The following FHIT variants were observed in gnomAD, a reference collection of about 807,000 sequenced individuals.
FHIT encodes the protein fragile histidine triad diadenosine triphosphatase.
In FHIT, 19 loss-of-function variants were observed where a neutral mutation model predicts 17.9. The ratio of observed to expected loss-of-function variants is 1.06; its 90% CI spans 0.74 to 1.56. The LOEUF is 1.56. Among genes scored for constraint, FHIT ranks in the 40% most tolerant of loss-of-function variants. The pLI is 0.00. For missense variants in FHIT, 248 were observed against 189.2 expected (o/e 1.31, Z -1.82); for synonymous variants, 81 against 69.7 (o/e 1.16, Z -0.81).
chr3:60,441,842 T>C lies in FHIT; in HGVS notation c.103+95018A>G, dbSNP rs567360297. Among the ~76,000 whole-genome samples the C allele has an allele frequency of 2.2e-5, 3 of 139,332 alleles. No individual in the cohort carries two copies. The East Asian group carries it at 6.5e-4, about 30-fold the overall frequency. The allele number at this position is 139,332 out of a possible 152,430, so 91.4% of individuals were successfully genotyped here. A position where few individuals can be genotyped will look rare whatever the true frequency, so the allele number is the denominator to read the frequency against. ...AGGTCATTTTTCCTCCCGCTCATTC[T>C]TTTTTTAGTTGTGTTTTTTTTTTTT... On this transcript the variant is annotated intron_variant, in intron 5 of 9. Transcript: ENST00000492590.
intron 5 of FHIT, among the ~76,000 whole-genome samples, chr3:60,437,764 A>G (rs2030405322): frequency 6.6e-6 from 1 of 152,102 alleles, no homozygotes; most frequent in Non-Finnish European, 1.5e-5. Flanking sequence ...CTCATGCAAA[A>G]CAATCAACAT....
At chr3:61,212,243 A>G (rs2039505073) in intron 1 of FHIT, among the ~76,000 whole-genome samples, 1 of 152,222 alleles carries the variant, frequency 6.6e-6, no homozygotes, top group African/African-American at 2.4e-5. Context: ...CAAAGAAGTT[A>G]AAAACTTTGA....
chr3:60,526,388 C>T (rs1172988162), intron 5 of FHIT, among the ~76,000 whole-genome samples: 1 of 152,096 alleles, frequency 6.6e-6, no homozygotes, highest in Admixed American at 6.6e-5. Context: ...CTGGAGAGGC[C>T]AGCACCTCAG....
At chr3:60,927,238 T>G (rs1414833387) in intron 3 of FHIT, among the ~76,000 whole-genome samples, 1 of 152,200 alleles carries the variant, frequency 6.6e-6, no homozygotes, top group African/African-American at 2.4e-5. Flanking sequence ...TGACCTCCAG[T>G]GATCTGCCCG....
intron 3 of FHIT, among the ~76,000 whole-genome samples, chr3:60,899,226 T>C (rs1705980368): frequency 6.6e-6 from 1 of 152,198 alleles, no homozygotes; most frequent in Admixed American, 6.5e-5. Flanking sequence ...AACAAGTGTT[T>C]ATTAAACTGC....
intron 8 of FHIT, among the ~76,000 whole-genome samples, chr3:59,830,372 A>C (rs1701123575): frequency 6.6e-6 from 1 of 152,204 alleles, no homozygotes; most frequent in Non-Finnish European, 1.5e-5. Context: ...AGGAATAAAT[A>C]TATGACTTTC....
chr3:60,308,804 T>G (rs1168167710), intron 5 of FHIT, among the ~76,000 whole-genome samples: 3 of 152,144 alleles, frequency 2.0e-5, no homozygotes, highest in African/African-American at 7.2e-5. Flanking sequence ...AAAAGTATAC[T>G]ATTTAAAACT....
At chr3:60,403,419 A>G (rs957486713) in intron 5 of FHIT, among the ~76,000 whole-genome samples, 6 of 152,172 alleles carry the variant, frequency 3.9e-5, no homozygotes, top group Admixed American at 6.5e-5. Context: ...GCTCAGAAAG[A>G]TAATACCCAA....
chr3:60,600,887 C>G (rs1164071509), intron 4 of FHIT, among the ~76,000 whole-genome samples: 2 of 152,136 alleles, frequency 1.3e-5, no homozygotes, highest in Admixed American at 6.5e-5. Flanking sequence ...AAATGCATCC[C>G]TCTCATGAGC....
chr3:60,040,907 G>T (rs533420743), intron 5 of FHIT, among the ~76,000 whole-genome samples: 39 of 152,214 alleles, frequency 2.6e-4, no homozygotes, highest in Admixed American at 3.9e-4. Flanking sequence ...AACTCTAGGT[G>T]GGGGTAAACC....
At chr3:60,274,228 G>A (rs967151325) in intron 5 of FHIT, among the ~76,000 whole-genome samples, 5 of 151,984 alleles carry the variant, frequency 3.3e-5, no homozygotes, top group Non-Finnish European at 5.9e-5. Context: ...ACTAACTTAT[G>A]TGTCTCATTC....
At chr3:60,328,443 C>T (rs557155099) in intron 5 of FHIT, among the ~76,000 whole-genome samples, 6 of 152,338 alleles carry the variant, frequency 3.9e-5, no homozygotes, top group South Asian at 2.1e-4. Context: ...GCATGTCTGA[C>T]ATGACAGCAA....
At chr3:59,922,995 C>T (rs1559734058) in intron 7 of FHIT, among the ~76,000 whole-genome samples, 1 of 151,990 alleles carries the variant, frequency 6.6e-6, no homozygotes, top group Non-Finnish European at 1.5e-5. Context: ...CACGGTGGCT[C>T]ATGCCTGTAA....
At chr3:60,327,469 G>A (rs1709754300) in intron 5 of FHIT, among the ~76,000 whole-genome samples, 1 of 152,170 alleles carries the variant, frequency 6.6e-6, no homozygotes, top group Admixed American at 6.5e-5. Flanking sequence ...AACGGGCATG[G>A]CTATGTTCTA....
At chr3:60,532,719 G>A (rs929975345) in intron 5 of FHIT, among the ~76,000 whole-genome samples, 1 of 152,226 alleles carries the variant, frequency 6.6e-6, no homozygotes, top group African/African-American at 2.4e-5. Context: ...GGAACAAGGA[G>A]GGACTGAAGT....
intron 5 of FHIT, among the ~76,000 whole-genome samples, chr3:60,397,622 G>C (rs907686219): frequency 3.3e-5 from 5 of 152,134 alleles, no homozygotes; most frequent in Admixed American, 2.6e-4. Context: ...CCATTTTTAT[G>C]GTGCCACATC....
At chr3:60,831,818 C>G (rs1158372257) in intron 3 of FHIT, among the ~76,000 whole-genome samples, 1 of 152,076 alleles carries the variant, frequency 6.6e-6, no homozygotes, top group Non-Finnish European at 1.5e-5. Context: ...CAGAGCCCAA[C>G]CCTTAACCAC....
intron 5 of FHIT, among the ~76,000 whole-genome samples, chr3:60,170,218 A>G (rs761641021): frequency 8.5e-5 from 13 of 152,214 alleles, no homozygotes; most frequent in Non-Finnish European, 1.9e-4. Context: ...GGAGGTAATC[A>G]GGTTGGCAAG....
intron 4 of FHIT, among the ~76,000 whole-genome samples, chr3:60,570,710 G>GA (rs893255167): frequency 9.6e-6 from 1 of 103,860 alleles, no homozygotes; most frequent in Non-Finnish European, 1.9e-5. Flanking sequence ...TTTGAAGGCA[G>GA]AAACAATACT....
Sources: gnomAD v4.1 joint callset for allele counts (sites outside exome capture counted in the v4.1 genomes callset) on GRCh38, gnomAD v4.1.1 for gene constraint, MANE v1.5 for transcripts, NCBI Gene and HGNC (gene_info 2026-07-23, HGNC 2026-07-21) for gene names.